The following ASB15 variants were observed in gnomAD, a reference collection of about 807,000 sequenced individuals.
ASB15 encodes the protein ankyrin repeat and SOCS box containing 15.
A neutral mutation model predicts 58.0 loss-of-function variants in ASB15; 54 were observed. The observed-to-expected ratio is 0.93, with a 90% CI of 0.75 to 1.17. ASB15 has a LOEUF of 1.17. Ranked by LOEUF, ASB15 falls within the 50% of genes most tolerant of loss-of-function variation. The probability of loss-of-function intolerance (pLI) is 0.00; values close to 1 mark genes in which losing one functional copy is unlikely to be tolerated. For synonymous variants in ASB15, 249 were observed against 262.4 expected (o/e 0.95, Z 0.50); for missense variants, 680 against 707.4 (o/e 0.96, Z 0.44).
At chr7:123,610,798 G>A (rs1033584752) in intron 3 of ASB15, among the ~76,000 whole-genome samples, 1 of 152,080 alleles carries the variant, frequency 6.6e-6, no homozygotes, top group Non-Finnish European at 1.5e-5. Flanking sequence ...TTTATCTTGT[G>A]GTCTTCTCTA....
Position 123,637,028 on chromosome 7 carries a change from C to T in ASB15, c.*47C>T. 7.7e-7 allele frequency: 1 copy of T among 1,295,268 alleles called. No homozygotes were observed. 80.2% of individuals were successfully genotyped at this position (1,295,268 alleles called of 1,614,324 possible). On this transcript the variant is annotated 3_prime_UTR_variant, in exon 12 of 12. Transcript: ENST00000451215. ...TTAAAAAAAATGTTGAAATGTGATT[C>T]CCTCAGATAATTTCTTGTAACCATT...
intron 1 of ASB15, among the ~76,000 whole-genome samples, chr7:123,569,402 C>CA (rs907984650): frequency 4.8e-4 from 73 of 151,168 alleles, no homozygotes; most frequent in African/African-American, 1.6e-3. Flanking sequence ...AGCTAGGGCC[C>CA]AAAAAAAAGG....
At chr7:123,630,271 G>A in intron 11 of ASB15, 152 bp downstream of exon 11, 2 of 556,504 alleles carry the variant, frequency 3.6e-6, no homozygotes, top group Non-Finnish European at 6.0e-6. Flanking sequence ...TTCCTCTGTT[G>A]TAAGATACAT....
At chr7:123,597,914 C>T (rs1346852667), upstream of ASB15, among the ~76,000 whole-genome samples, 2 of 97,670 alleles carry the variant, frequency 2.0e-5, no homozygotes, top group Non-Finnish European at 2.2e-5. Context: ...TCTTTTCAAA[C>T]TTCGTGTGTG....
intron 1 of ASB15, among the ~76,000 whole-genome samples, chr7:123,589,728 C>T (rs1434635751): frequency 1.3e-5 from 2 of 152,094 alleles, no homozygotes; most frequent in Non-Finnish European, 2.9e-5. Context: ...TATTGATGGA[C>T]ATTTGGGTTG....
chr7:123,628,813 A>T, intron 9 of ASB15, 51 bp from the exon 10 acceptor site: 1 of 1,272,906 alleles, frequency 7.9e-7, no homozygotes, highest in Non-Finnish European at 1.1e-6. Flanking sequence ...TAGTTTATTT[A>T]ATTTCTTGAT....
At chr7:123,599,293 G>A (rs1037879561), upstream of ASB15, among the ~76,000 whole-genome samples, 1 of 152,054 alleles carries the variant, frequency 6.6e-6, no homozygotes, top group Non-Finnish European at 1.5e-5. Context: ...AAAATAATAG[G>A]ATAACTTAAA....
Position 123,616,284 on chromosome 7 carries a change from G to A in ASB15, c.160+11G>A. ...AGGCCATAAAACAAGGTAAATGGGT[G>A]TACTATCTACAGTGGGATGGACTGG... On this transcript the variant is annotated intron_variant, in intron 5 of 11. Coordinates refer to ENST00000451215, the MANE Select transcript of ASB15 (RefSeq NM_001290258.2). The A allele has an allele frequency of 3.1e-6, 5 of 1,609,654 alleles. No homozygotes were observed. Among genetic ancestry groups the A allele is most frequent in the South Asian group, 1.1e-5 (1 of 90,966 alleles).
chr7:123,597,404 T>C (rs1383311583), upstream of ASB15, among the ~76,000 whole-genome samples: 1 of 152,226 alleles, frequency 6.6e-6, no homozygotes, highest in Non-Finnish European at 1.5e-5. Context: ...ATTAGTATTG[T>C]TGTTAATTGC....
chr7:123,598,658 C>A (rs1799777474), upstream of ASB15: 1 of 152,158 alleles, frequency 6.6e-6, no homozygotes, highest in Admixed American at 6.5e-5. Flanking sequence ...TTGATGAGTG[C>A]CAAAAACTTT....
intron 1 of ASB15, among the ~76,000 whole-genome samples, chr7:123,573,930 C>T (rs540764292): frequency 6.6e-6 from 1 of 151,884 alleles, no homozygotes; most frequent in South Asian, 2.1e-4. Context: ...AGGCAGGGGA[C>T]AAAAATTACA....
rs573303694 is a variant in ASB15, at chr7:123,622,433, T to G, written c.452-2136T>G. Among the ~76,000 whole-genome samples the G allele has an allele frequency of 2.0e-5, 3 of 152,206 alleles. No individual in the cohort carries two copies. The South Asian group carries it at 6.2e-4, about 31-fold the overall frequency. Reference sequence around the variant, plus strand: ...GTTAAGAATGTCTTCATGAGTTAGCTTGGAAGGGATTTCCTACCATTTGCA... The same window carrying G: ...GTTAAGAATGTCTTCATGAGTTAGCGTGGAAGGGATTTCCTACCATTTGCA... On this transcript the variant is annotated intron_variant, in intron 7 of 11. Transcript: ENST00000451215.
intron 1 of ASB15, among the ~76,000 whole-genome samples, chr7:123,595,563 TATGTAA>T (rs1799670111): frequency 6.6e-6 from 1 of 152,188 alleles, no homozygotes; most frequent in African/African-American, 2.4e-5. Flanking sequence ...TTTTCTTACT[TATGTAA>T]CATTCACCTC....
chr7:123,628,789 T>C (rs1170785351), intron 9 of ASB15, 75 bp from the exon 10 acceptor site: 2 of 998,188 alleles, frequency 2.0e-6, no homozygotes, highest in East Asian at 2.6e-5. Context: ...CATTCACTTA[T>C]CTAGTGAGAA....
chr7:123,596,254 T>C (rs998765513), intron 1 of ASB15: 1 of 152,084 alleles, frequency 6.6e-6, no homozygotes, highest in Non-Finnish European at 1.5e-5. Context: ...ATTTGAAATA[T>C]AAAGACCTGA....
chr7:123,615,010 C>A (rs947633772), intron 4 of ASB15, among the ~76,000 whole-genome samples: 8 of 152,084 alleles, frequency 5.3e-5, no homozygotes, highest in African/African-American at 4.8e-5. Context: ...TACAGCTAAC[C>A]CTTTATAGGT....
chr7:123,572,620 T>C (rs942594214), intron 1 of ASB15, among the ~76,000 whole-genome samples: 1 of 152,060 alleles, frequency 6.6e-6, no homozygotes, highest in Admixed American at 6.6e-5. Flanking sequence ...TTAATGCTTT[T>C]TCTTTTAACT....
chr7:123,598,597 C>T (rs1006254034), upstream of ASB15, among the ~76,000 whole-genome samples: 3 of 152,144 alleles, frequency 2.0e-5, no homozygotes, highest in African/African-American at 7.2e-5. Flanking sequence ...GAAATAACTG[C>T]GAACCCATTT....
At chr7:123,594,495 C>T (rs887225293) in intron 1 of ASB15, among the ~76,000 whole-genome samples, 3 of 152,168 alleles carry the variant, frequency 2.0e-5, no homozygotes, top group African/African-American at 4.8e-5. Context: ...GATGTTGATG[C>T]TATTCCTTTC....
Sources: allele counts gnomAD v4.1 joint callset (sites outside exome capture counted in the v4.1 genomes callset), GRCh38; gene constraint gnomAD v4.1.1; transcripts MANE v1.5; gene names NCBI Gene and HGNC (gene_info 2026-07-23, HGNC 2026-07-21).